ATG10: variants seen among roughly 807,000 people sequenced by gnomAD.
ATG10 encodes the protein ubiquitin-like-conjugating enzyme ATG10.
In ATG10, 30 loss-of-function variants were observed where a neutral mutation model predicts 32.1. The ratio of observed to expected loss-of-function variants is 0.94; its 90% CI spans 0.70 to 1.27. ATG10 has a LOEUF of 1.27. ATG10 is among the 50% of genes most tolerant of loss of function. ATG10 has a pLI of 0.00. For missense variants in ATG10, 233 were observed against 262.3 expected, an observed-to-expected ratio of 0.89 and a Z score of 0.77; for synonymous variants, 87 against 91.5, an observed-to-expected ratio of 0.95 and a Z score of 0.28.
chr5:82,213,818 G>A (rs1170121810), intron 5 of ATG10, among the ~76,000 whole-genome samples: 1 of 152,188 alleles, frequency 6.6e-6, no homozygotes, highest in Admixed American at 6.5e-5. Flanking sequence ...CCTGGATGAT[G>A]CTATGGGAGC....
At chr5:82,138,221 C>T (rs1334973643) in intron 3 of ATG10, among the ~76,000 whole-genome samples, 1 of 152,172 alleles carries the variant, frequency 6.6e-6, no homozygotes, top group Non-Finnish European at 1.5e-5. Flanking sequence ...AGCCCCCTTT[C>T]CAGGGGAGTG....
At chr5:82,088,199 T>C (rs1764754582) in intron 3 of ATG10, among the ~76,000 whole-genome samples, 1 of 152,150 alleles carries the variant, frequency 6.6e-6, no homozygotes, top group South Asian at 2.1e-4. Flanking sequence ...AACTTTTTTT[T>C]TTCTGCTTAA....
At chr5:82,198,749 T>C (rs548735570) in intron 5 of ATG10, among the ~76,000 whole-genome samples, 9 of 152,310 alleles carry the variant, frequency 5.9e-5, no homozygotes, top group African/African-American at 7.2e-5. Context: ...GTACTTGGGA[T>C]TGGGGGACTT....
intron 3 of ATG10, among the ~76,000 whole-genome samples, chr5:82,163,504 T>C (rs1251986849): frequency 2.0e-5 from 3 of 152,206 alleles, no homozygotes; most frequent in African/African-American, 7.2e-5. Flanking sequence ...TGATTGTTCA[T>C]TGTTGTTACT....
intron 5 of ATG10, among the ~76,000 whole-genome samples, chr5:82,178,843 G>A (rs1399472945): frequency 1.3e-5 from 2 of 151,898 alleles, no homozygotes; most frequent in African/African-American, 4.8e-5. Context: ...TTACATATTA[G>A]GATGATTTAA....
At chr5:82,050,839 CAAAAAAAAAAAAAAAAAAA>C (rs71000881) in intron 2 of ATG10, among the ~76,000 whole-genome samples, 1 of 36,272 alleles carries the variant, frequency 2.8e-5, no homozygotes, top group African/African-American at 1.2e-4. Flanking sequence ...CCATCTCTAC[CAAAAAAAAAAAAAAAAAAA>C]AAAAAAAAAA....
chr5:82,164,358 A>T (rs768392208), intron 3 of ATG10, 41 bp from the exon 4 acceptor site: 1 of 1,598,070 alleles, frequency 6.3e-7, no homozygotes, highest in African/African-American at 1.3e-5. Context: ...TACTTTTCTT[A>T]TTAAGAAACC....
intron 3 of ATG10, among the ~76,000 whole-genome samples, chr5:82,158,656 T>C: frequency 6.6e-6 from 1 of 152,148 alleles, no homozygotes; most frequent in East Asian, 1.9e-4. Context: ...GGGGGGGTTC[T>C]GGAGCCAATC....
At chr5:82,097,264 A>G (rs1386949941) in intron 3 of ATG10, among the ~76,000 whole-genome samples, 1 of 152,180 alleles carries the variant, frequency 6.6e-6, no homozygotes, top group Non-Finnish European at 1.5e-5. Context: ...ATTTAAAAAC[A>G]CCTTCCTTTT....
At chr5:82,081,522 C>T (rs189240047) in intron 3 of ATG10, among the ~76,000 whole-genome samples, 5 of 152,230 alleles carry the variant, frequency 3.3e-5, no homozygotes, top group African/African-American at 1.2e-4. Context: ...TATTATTTTG[C>T]AATATGTCCC....
At chr5:82,118,758 A>G (rs954632942) in intron 3 of ATG10, among the ~76,000 whole-genome samples, 3 of 152,108 alleles carry the variant, frequency 2.0e-5, no homozygotes, top group Non-Finnish European at 2.9e-5. Context: ...AATTAATAGA[A>G]TGAGTAAAGT....
At chr5:82,239,734 A>G (rs1208756612) in intron 5 of ATG10, among the ~76,000 whole-genome samples, 2 of 152,352 alleles carry the variant, frequency 1.3e-5, no homozygotes, top group Non-Finnish European at 2.9e-5. Flanking sequence ...GAGATATCCT[A>G]CAGAATGGGA....
intron 5 of ATG10, among the ~76,000 whole-genome samples, chr5:82,243,430 T>C (rs1052551656): frequency 1.3e-5 from 2 of 152,110 alleles, no homozygotes; most frequent in Non-Finnish European, 2.9e-5. Context: ...ATGTTCTTTT[T>C]ATAGAAAATA....
chr5:82,175,775 C>T (rs984693536), intron 4 of ATG10, among the ~76,000 whole-genome samples: 6 of 152,168 alleles, frequency 3.9e-5, no homozygotes, highest in Non-Finnish European at 8.8e-5. Context: ...CTCTGGCTGG[C>T]ACTTCTTAGC....
chr5:82,038,815 A>G (rs917985539), intron 2 of ATG10, among the ~76,000 whole-genome samples: 3 of 152,248 alleles, frequency 2.0e-5, no homozygotes, highest in South Asian at 2.1e-4. Flanking sequence ...TTTTATTTCA[A>G]TTATGATGTA....
At chr5:82,133,309 C>T (rs1028353593) in intron 3 of ATG10, among the ~76,000 whole-genome samples, 1 of 152,010 alleles carries the variant, frequency 6.6e-6, no homozygotes, top group African/African-American at 2.4e-5. Flanking sequence ...AAAGTCTTTG[C>T]CCATGCCTAT....
chr5:82,190,821 G>A (rs958614562), intron 5 of ATG10, among the ~76,000 whole-genome samples: 1 of 142,038 alleles, frequency 7.0e-6, no homozygotes, highest in East Asian at 2.1e-4. Flanking sequence ...GAATTCCATT[G>A]TAAGGTAAGG....
intron 2 of ATG10, among the ~76,000 whole-genome samples, chr5:82,047,519 C>T (rs934120865): frequency 3.9e-5 from 6 of 152,166 alleles, no homozygotes; most frequent in African/African-American, 7.2e-5. Context: ...TAAAAACTTG[C>T]GTTTGATAAA....
chr5:82,252,165 C>G (rs759712701), intron 5 of ATG10, among the ~76,000 whole-genome samples: 6 of 152,126 alleles, frequency 3.9e-5, no homozygotes, highest in Non-Finnish European at 7.4e-5. Flanking sequence ...TTACCATTGA[C>G]AAAGAGGTGA....
Sources: allele counts gnomAD v4.1 joint callset (sites outside exome capture counted in the v4.1 genomes callset), GRCh38; gene constraint gnomAD v4.1.1; transcripts MANE v1.5; gene names NCBI Gene and HGNC (gene_info 2026-07-23, HGNC 2026-07-21).